UBXN2B: variants seen among roughly 807,000 people sequenced by gnomAD.
UBXN2B encodes the protein UBX domain-containing protein 2B.
In UBXN2B, 19 loss-of-function variants were observed where a neutral mutation model predicts 37.5. The ratio of observed to expected loss-of-function variants is 0.51; its 90% CI spans 0.35 to 0.74. UBXN2B has a LOEUF of 0.74. UBXN2B is among the 30% of genes least tolerant of loss of function. The probability of loss-of-function intolerance (pLI) is 0.01; values close to 1 mark genes in which losing one functional copy is unlikely to be tolerated. For synonymous variants in UBXN2B, 145 were observed against 143.8 expected (o/e 1.01, Z -0.06); for missense variants, 370 against 393.2 (o/e 0.94, Z 0.50).
In UBXN2B at chr8:58,416,850, T is replaced by C. The variant is rs1272644459; in HGVS notation, c.85T>C (p.Leu29=). 4 of 1,611,156 alleles carry C rather than the reference T, an allele frequency of 2.5e-6. No individual in the cohort carries two copies. The highest frequency in any genetic ancestry group is 3.4e-6 in the Non-Finnish European group (4 of 1,178,134). ...TTGTAACAAGCCTGTTATTATGTAG[T>C]TGGCCTTGGCAGAATTGTATGAAGA... ...PRPPSARDLQ[L]ALAELYEDEV... Residue 29 remains leucine (L), a splice_region_variant and synonymous_variant, in exon 2 of 8, where the codon TTG becomes CTG. Coordinates refer to ENST00000399598, the MANE Select transcript of UBXN2B (RefSeq NM_001077619.2).
chr8:58,431,826 T>C (rs968611974), intron 3 of UBXN2B, among the ~76,000 whole-genome samples: 1 of 152,240 alleles, frequency 6.6e-6, no homozygotes, highest in African/African-American at 2.4e-5. Flanking sequence ...TTAATTTGCA[T>C]TTTCTTAATA....
intron 1 of UBXN2B, among the ~76,000 whole-genome samples, chr8:58,415,470 T>C (rs1003338055): frequency 6.6e-6 from 1 of 151,962 alleles, no homozygotes; most frequent in Non-Finnish European, 1.5e-5. Flanking sequence ...TTGTTTTGTG[T>C]TTTTGGAGGG....
At chr8:58,413,082 A>G (rs1009024540) in intron 1 of UBXN2B, among the ~76,000 whole-genome samples, 1 of 152,206 alleles carries the variant, frequency 6.6e-6, no homozygotes, top group Non-Finnish European at 1.5e-5. Flanking sequence ...GTCTTAATCC[A>G]GTGGATCAAA....
chr8:58,442,910 C>G (rs1808584437), intron 6 of UBXN2B, among the ~76,000 whole-genome samples: 1 of 152,172 alleles, frequency 6.6e-6, no homozygotes, highest in Admixed American at 6.5e-5. Flanking sequence ...TCTCACTTAC[C>G]TGAGATTTGA....
chr8:58,447,503 G>T lies in UBXN2B; in HGVS notation c.948G>T (p.Leu316=). 1 of 1,613,144 alleles carries T rather than the reference G, an allele frequency of 6.2e-7. No individual in the cohort carries two copies. Among genetic ancestry groups the T allele is most frequent in the South Asian group, 1.1e-5 (1 of 90,942 alleles). The change falls in exon 8 of 8, where the codon CTG becomes CTT. Residue 316 remains leucine (L), a synonymous_variant. Transcript: ENST00000399598. The part of the protein sequence containing the change: ...NKELTDESLT[L]LEADILNTVL... ...AGCTAACAGATGAAAGCCTGACACT[G>T]CTAGAAGCAGATATTCTTAACACTG...
intron 2 of UBXN2B, 41 bp downstream of exon 2, chr8:58,416,994 C>A (rs774041372): frequency 4.1e-6 from 6 of 1,479,622 alleles, no homozygotes; most frequent in Middle Eastern, 1.9e-4. Flanking sequence ...AAATTATAAT[C>A]CTTTCTAAAA....
intron 6 of UBXN2B, among the ~76,000 whole-genome samples, chr8:58,443,636 TCCAAA>T (rs1808604034): frequency 1.8e-5 from 1 of 55,252 alleles, no homozygotes; most frequent in Non-Finnish European, 3.5e-5. Context: ...CTACTAAAAA[TCCAAA>T]AAAAAAAAAA....
In UBXN2B at chr8:58,451,014, T is replaced by C. The variant is rs1310540744; in HGVS notation, c.*3463T>C. On this transcript the variant is annotated 3_prime_UTR_variant, in exon 8 of 8. Transcript: ENST00000399598. ...CCCATTTCAAAAAGATTACCAGGGG[T>C]AAAACAACTTTTTCATGGGTCAAAA... The C allele has an allele frequency of 1.3e-5, 2 of 152,680 alleles. No homozygotes were observed. Among genetic ancestry groups the C allele is most frequent in the East Asian group, 3.9e-4 (2 of 5,182 alleles). 9.5% of individuals were successfully genotyped at this position (152,680 alleles called of 1,614,324 possible).
chr8:58,426,141 C>G (rs1335828902), intron 2 of UBXN2B: 1 of 1,123,432 alleles, frequency 8.9e-7, no homozygotes, highest in African/African-American at 1.5e-5. Context: ...CGGACCAACT[C>G]AGCCAAAGTG....
chr8:58,416,978 A>G (rs1807802004), intron 2 of UBXN2B, 25 bp downstream of exon 2: 1 of 1,536,342 alleles, frequency 6.5e-7, no homozygotes, highest in Non-Finnish European at 8.8e-7. Flanking sequence ...GTTTTGTTGT[A>G]AAAAGAAATT....
chr8:58,413,765 A>G (rs945993343), intron 1 of UBXN2B, among the ~76,000 whole-genome samples: 2 of 152,064 alleles, frequency 1.3e-5, no homozygotes, highest in Admixed American at 1.3e-4. Flanking sequence ...AGACTCGGAA[A>G]TGTTTTTTTG....
chr8:58,439,543 T>A, intron 5 of UBXN2B, 90 bp from the exon 6 acceptor site: 1 of 1,455,992 alleles, frequency 6.9e-7, no homozygotes, highest in Non-Finnish European at 9.1e-7. Flanking sequence ...TGTTTTCCAG[T>A]GTAGCTCATG....
At chr8:58,438,410 TGA>T (rs1240360012) in intron 5 of UBXN2B, among the ~76,000 whole-genome samples, 3 of 152,018 alleles carry the variant, frequency 2.0e-5, no homozygotes, top group Non-Finnish European at 4.4e-5. Flanking sequence ...CTCCAACCCA[TGA>T]GAGAAGCCAC....
rs79194026 is a variant in UBXN2B, at chr8:58,422,792, G to A, written c.188+5839G>A. 3.3e-5 allele frequency among the ~76,000 whole-genome samples: 5 copies of A among 152,314 alleles called. No homozygotes were observed. The East Asian group carries it at 7.7e-4, about 24-fold the overall frequency. On this transcript the variant is annotated intron_variant, in intron 2 of 7. Transcript: ENST00000399598. ...GTGCTGGTTCCAAAAACAGGCTCAG[G>A]ATTGGCAAAAATCATTCAGGAAGCT...
intron 5 of UBXN2B, among the ~76,000 whole-genome samples, chr8:58,436,345 A>G (rs1322462610): frequency 1.3e-5 from 2 of 152,236 alleles, no homozygotes; most frequent in Non-Finnish European, 2.9e-5. Flanking sequence ...TTGCTTGTAT[A>G]TGAGACAGAG....
Position 58,446,084 on chromosome 8 carries a change from A to G in UBXN2B, c.833+16A>G, listed in dbSNP as rs1190825258. 6.3e-7 allele frequency: 1 copy of G among 1,598,310 alleles called. No individual in the cohort carries two copies. The highest frequency in any genetic ancestry group is 8.5e-7 in the Non-Finnish European group (1 of 1,174,504). On this transcript the variant is annotated intron_variant, in intron 7 of 7. Coordinates refer to ENST00000399598, the MANE Select transcript of UBXN2B (RefSeq NM_001077619.2). ...GTACACACAGGTAAGCTTCTTTACC[A>G]ACAGTGTCCTGTTTGCTGTTATATA... is the stretch of plus-strand genomic sequence containing the variant.
chr8:58,413,647 G>T (rs1807698515), intron 1 of UBXN2B, among the ~76,000 whole-genome samples: 1 of 152,178 alleles, frequency 6.6e-6, no homozygotes. Context: ...TGTAGGGTTT[G>T]TCAGCATCTG....
At chr8:58,444,661 T>C (rs1808629397) in intron 6 of UBXN2B, among the ~76,000 whole-genome samples, 1 of 152,224 alleles carries the variant, frequency 6.6e-6, no homozygotes, top group South Asian at 2.1e-4. Flanking sequence ...CGCTGGACTC[T>C]TGGCACAGTA....
chr8:58,423,339 G>T (rs1222832962), intron 2 of UBXN2B, among the ~76,000 whole-genome samples: 1 of 152,054 alleles, frequency 6.6e-6, no homozygotes, highest in African/African-American at 2.4e-5. Flanking sequence ...CCGCCAACCT[G>T]CTGACCATAT....
Sources: allele counts gnomAD v4.1 joint callset (sites outside exome capture counted in the v4.1 genomes callset), GRCh38; gene constraint gnomAD v4.1.1; transcripts MANE v1.5; gene names NCBI Gene and HGNC (gene_info 2026-07-23, HGNC 2026-07-21).